Variants in FBXW11 observed in about 807,000 individuals in gnomAD.
FBXW11 encodes F-box/WD repeat-containing protein 11.
FBXW11 carries 19 observed loss-of-function variants against 77.6 expected under a neutral mutation model. The observed-to-expected ratio is 0.24, with a 90% CI of 0.17 to 0.36. The LOEUF is 0.36. FBXW11 is among the 10% of genes least tolerant of loss of function. The probability of loss-of-function intolerance (pLI) is 1.00; values close to 1 mark genes in which losing one functional copy is unlikely to be tolerated. For missense variants in FBXW11, 334 were observed against 704.2 expected (o/e 0.47, Z 5.95); for synonymous variants, 235 against 249.4 (o/e 0.94, Z 0.54).
intron 2 of FBXW11, among the ~76,000 whole-genome samples, chr5:171,918,272 G>A (rs895319786): frequency 3.3e-5 from 5 of 151,940 alleles, no homozygotes; most frequent in Admixed American, 1.3e-4. Flanking sequence ...TACTCAATCC[G>A]TACACAGGGT....
intron 2 of FBXW11, among the ~76,000 whole-genome samples, chr5:171,931,848 CCTCCCTCCCTCCCTCT>C (rs1762212775): frequency 8.5e-5 from 1 of 11,790 alleles, no homozygotes; most frequent in African/African-American, 3.2e-4. Flanking sequence ...TCCCTCCCTC[CCTCCCTCCCTCCCTCT>C]CTCTCTCTCT....
In FBXW11 at chr5:171,863,471, A is replaced by G. The variant is rs1757204622; in HGVS notation, c.*656T>C. The G allele has an allele frequency of 6.6e-6, 1 of 152,590 alleles. No homozygotes were observed. Among genetic ancestry groups the G allele is most frequent in the African/African-American group, 2.4e-5 (1 of 41,468 alleles). 9.5% of individuals were successfully genotyped at this position (152,590 alleles called of 1,614,324 possible). On this transcript the variant is annotated 3_prime_UTR_variant, in exon 14 of 14. Transcript: ENST00000517395. ...AGAACAGTTAATAAAAGAAAGAGCTATATTACCTGTTGGTAGATAATATAA... is the reference window on the plus strand; with the variant it reads ...AGAACAGTTAATAAAAGAAAGAGCTGTATTACCTGTTGGTAGATAATATAA...
chr5:171,967,879 TATATACAC>T (rs1461582354), intron 1 of FBXW11, among the ~76,000 whole-genome samples: 140 of 62,666 alleles, frequency 2.2e-3, no homozygotes, highest in African/African-American at 7.1e-3. Flanking sequence ...TATATATATA[TATATACAC>T]ACACACACAC....
At chr5:171,945,792 A>C (rs1251820379) in intron 2 of FBXW11, among the ~76,000 whole-genome samples, 1 of 152,250 alleles carries the variant, frequency 6.6e-6, no homozygotes, top group Non-Finnish European at 1.5e-5. Flanking sequence ...ATACTGGCTT[A>C]ACAAGATTAA....
Position 171,910,732 on chromosome 5 carries a change from T to G in FBXW11, c.276A>C (p.Lys92Asn), listed in dbSNP as rs774105348. 6 of 1,613,722 alleles carry G rather than the reference T, an allele frequency of 3.7e-6. No homozygotes were observed. The highest frequency in any genetic ancestry group is 5.1e-6 in the Non-Finnish European group (6 of 1,179,896). Residue 92 changes from lysine to asparagine, a missense_variant, in exon 4 of 14, where the codon AAA becomes AAC. Lys to Asn is a moderately conservative substitution (Grantham distance 94). Around this residue, in one of 10 missense-constraint regions of FBXW11, gnomAD observed 56 missense variants for 144.9 expected, o/e 0.39. Transcript: ENST00000517395. Reference protein sequence around the residue: ...RKRPSEGNYQKEKDLCIKYFD... With the variant: ...RKRPSEGNYQNEKDLCIKYFD... The stretch of plus-strand genomic sequence containing the variant: ...AATATTTAATACACAAGTCTTTTTC[T>G]TTTTGATAGTTTCCTTCTGATGGCC...
At chr5:171,990,165 AG>A (rs1002741046) in intron 1 of FBXW11, among the ~76,000 whole-genome samples, 4 of 149,436 alleles carry the variant, frequency 2.7e-5, no homozygotes, top group South Asian at 2.2e-4. Flanking sequence ...AAGAGAAGGG[AG>A]GGGGGTAGCA....
intron 2 of FBXW11, among the ~76,000 whole-genome samples, chr5:171,921,228 T>C (rs1432988341): frequency 6.6e-6 from 1 of 152,194 alleles, no homozygotes; most frequent in African/African-American, 2.4e-5. Context: ...AGTTTATGTA[T>C]AGGTACAACA....
intron 1 of FBXW11, among the ~76,000 whole-genome samples, chr5:171,964,270 TCAAA>T (rs1394570582): frequency 6.6e-6 from 1 of 152,206 alleles, no homozygotes; most frequent in Non-Finnish European, 1.5e-5. Context: ...TGATAGAATA[TCAAA>T]CAAAGAGTGC....
chr5:171,942,043 T>C (rs2111008), intron 2 of FBXW11, among the ~76,000 whole-genome samples: 6,506 of 150,642 alleles, frequency 0.043, 312 homozygotes, highest in African/African-American at 0.12. Flanking sequence ...TATTTTGAGA[T>C]AGTCTCAAGC....
At chr5:171,936,303 G>A (rs1374338434) in intron 2 of FBXW11, among the ~76,000 whole-genome samples, 2 of 151,512 alleles carry the variant, frequency 1.3e-5, no homozygotes, top group Admixed American at 1.3e-4. Flanking sequence ...GACCAGCTAG[G>A]CAACACAGCA....
chr5:172,006,281 T>C (rs1419045016), intron 1 of FBXW11, among the ~76,000 whole-genome samples, 177 bp downstream of exon 1: 1 of 151,512 alleles, frequency 6.6e-6, no homozygotes, highest in Non-Finnish European at 1.5e-5. Flanking sequence ...CGGCCGGAGA[T>C]GTCGAGGGAT....
chr5:171,988,904 T>C (rs1765588212), intron 1 of FBXW11, among the ~76,000 whole-genome samples: 1 of 147,286 alleles, frequency 6.8e-6, no homozygotes, highest in Non-Finnish European at 1.5e-5. Flanking sequence ...TGGCCCAGCA[T>C]GGTGGCTCAC....
chr5:171,899,792 C>T (rs1489722665), intron 5 of FBXW11, 122 bp downstream of exon 5: 2 of 857,080 alleles, frequency 2.3e-6, no homozygotes, highest in African/African-American at 1.7e-5. Flanking sequence ...TTTGACCACT[C>T]ATTTTCCCCC....
intron 2 of FBXW11, among the ~76,000 whole-genome samples, chr5:171,950,382 T>C (rs1237389929): frequency 1.3e-5 from 2 of 151,554 alleles, no homozygotes; most frequent in East Asian, 3.9e-4. Context: ...AACTTTTCTA[T>C]ATACACTTTA....
Position 171,878,042 on chromosome 5 carries a change from T to C in FBXW11, c.940A>G (p.Ile314Val), listed in dbSNP as rs1001840534. 21 of 1,613,874 alleles carry C rather than the reference T, an allele frequency of 1.3e-5. No individual in the cohort carries two copies. The highest frequency in any genetic ancestry group is 1.7e-5 in the Non-Finnish European group (20 of 1,179,878). The change falls in exon 8 of 14, where the codon ATT becomes GTT. Residue 314 changes from isoleucine to valine, a missense_variant. Physicochemically the swap from Ile to Val is conservative, Grantham distance 29 (BLOSUM62 3). Coordinates refer to ENST00000517395, the MANE Select transcript of FBXW11 (RefSeq NM_001378974.1). ...GTAGAATCTGAAGAGCCAGTTACAA[T>C]GACACGCTCATCATACTGCAGACAG... Reference protein sequence around the residue: ...VLCLQYDERVIVTGSSDSTVR... With the variant: ...VLCLQYDERVVVTGSSDSTVR...
At chr5:171,978,618 A>T (rs1327591594) in intron 1 of FBXW11, among the ~76,000 whole-genome samples, 3 of 152,094 alleles carry the variant, frequency 2.0e-5, no homozygotes, top group Non-Finnish European at 4.4e-5. Flanking sequence ...CAGAGAAGGG[A>T]CCCAATTTCC....
intron 4 of FBXW11, among the ~76,000 whole-genome samples, chr5:171,909,113 A>T (rs192217474): frequency 7.7e-4 from 117 of 152,290 alleles, no homozygotes; most frequent in African/African-American, 2.7e-3. Context: ...AGAATTTTTT[A>T]AAAAACAATA....
At chr5:171,968,991 C>T (rs1287716571) in intron 1 of FBXW11, among the ~76,000 whole-genome samples, 2 of 152,146 alleles carry the variant, frequency 1.3e-5, no homozygotes, top group Non-Finnish European at 2.9e-5. Flanking sequence ...CGGAAGGGGC[C>T]GGGCGTGGTG....
chr5:171,865,683 A>G (rs1252007993), intron 13 of FBXW11, among the ~76,000 whole-genome samples: 1 of 152,330 alleles, frequency 6.6e-6, no homozygotes, highest in East Asian at 1.9e-4. Flanking sequence ...TACTTTTTCA[A>G]ATTTCCTAAT....
Sources: gnomAD v4.1 joint callset for allele counts (sites outside exome capture counted in the v4.1 genomes callset) on GRCh38, gnomAD v4.1.1 for gene constraint, gnomAD v4.1.1 regional missense constraint, MANE v1.5 for transcripts, NCBI Gene and HGNC (gene_info 2026-07-23, HGNC 2026-07-21) for gene names.